Variants in HECTD4 observed in about 807,000 individuals in gnomAD.
HECTD4 encodes probable E3 ubiquitin-protein ligase HECTD4.
Under a neutral mutation model 471.5 loss-of-function variants are expected in HECTD4, and 114 were observed. The observed-to-expected ratio is 0.24, with a 90% CI of 0.21 to 0.28. HECTD4 has a LOEUF of 0.28. Among genes scored for constraint, HECTD4 ranks in the 10% least tolerant of loss-of-function variants. HECTD4 has a pLI of 1.00. For synonymous variants in HECTD4, 2,012 were observed against 2,256.0 expected (o/e 0.89, Z 3.07); for missense variants, 3,866 against 5,651.5 (o/e 0.68, Z 10.13).
chr12:112,334,063 A>G (rs867970623), intron 1 of HECTD4, among the ~76,000 whole-genome samples: 69 of 152,028 alleles, frequency 4.5e-4, no homozygotes, highest in Middle Eastern at 3.4e-3. Context: ...CACAAAAATT[A>G]GCTGGGTGTG....
rs968576575 is a variant in HECTD4 at position 112,208,129 on chromosome 12, T to C, written c.8005-129A>G. The C allele has an allele frequency of 1.8e-5, 20 of 1,081,732 alleles. 1 individual carries two copies. In the South Asian group the frequency reaches 3.0e-4, roughly 16 times the overall value. The allele number at this position is 1,081,732 out of a possible 1,614,324, so 67.0% of individuals were successfully genotyped here. ...ATGCCAGTAATAGAAAGATCAGACA[T>C]AGACCCCTGTACTAGATACACCCCC... On this transcript the variant is annotated intron_variant, in intron 51 of 75. Transcript: ENST00000682272.
rs1301612688 is a variant in HECTD4 at position 112,228,383 on chromosome 12, C to A, written c.6685-125G>T. On this transcript the variant is annotated intron_variant, in intron 42 of 75. Coordinates refer to ENST00000682272, the MANE Select transcript of HECTD4 (RefSeq NM_001388303.1). This position sits in a 1 kb window ranked among gnomAD's most constrained non-coding sequence, Gnocchi z 4.9. ...CAGTTAAAAAAATAAAATCACCATACAGAAAACTACAAACCACATCAAAAC... is the reference window on the plus strand; with the variant it reads ...CAGTTAAAAAAATAAAATCACCATAAAGAAAACTACAAACCACATCAAAAC... 1 of 1,055,392 alleles carries A rather than the reference C, an allele frequency of 9.5e-7. No individual in the cohort carries two copies. 65.4% of individuals were successfully genotyped at this position (1,055,392 alleles called of 1,614,324 possible).
chr12:112,261,271 G>T, intron 18 of HECTD4, 34 bp downstream of exon 18: 1 of 1,517,250 alleles, frequency 6.6e-7, no homozygotes, highest in Non-Finnish European at 8.9e-7. Flanking sequence ...CTTCCCACAG[G>T]GCAGCTGGTC....
intron 23 of HECTD4, 45 bp downstream of exon 23, chr12:112,252,379 A>G (rs186767556): frequency 1.2e-5 from 19 of 1,538,610 alleles, no homozygotes. Context: ...CAAGGCACAT[A>G]GCAGATAGTA....
chr12:112,252,206 T>C (rs928267707), intron 23 of HECTD4, among the ~76,000 whole-genome samples: 1 of 152,222 alleles, frequency 6.6e-6, no homozygotes, highest in Non-Finnish European at 1.5e-5. Context: ...CTCCAATCAA[T>C]AGATTTATTT....
chr12:112,353,483 T>C (rs2036281791), intron 1 of HECTD4, among the ~76,000 whole-genome samples: 2 of 152,220 alleles, frequency 1.3e-5, no homozygotes, highest in African/African-American at 4.8e-5. Context: ...TTTTGTAAAA[T>C]GTGGCTCTTT....
chr12:112,193,340 C>T lies in HECTD4; in HGVS notation c.8955+129G>A. ...CTACAGATGAGATAAAGCAGAAAAG[C>T]TTCTAGGAAAAGGAAATCGAGAGGA... On this transcript the variant is annotated intron_variant, in intron 57 of 75. Transcript: ENST00000682272. The surrounding 1 kb of genome is among the most constrained non-coding windows in gnomAD (Gnocchi z 5.2). The T allele has an allele frequency of 7.4e-7, 1 of 1,357,028 alleles. No homozygotes were observed. 84.1% of individuals were successfully genotyped at this position (1,357,028 alleles called of 1,614,324 possible).
Position 112,258,505 on chromosome 12 carries a change from G to A in HECTD4, c.3119C>T (p.Pro1040Leu), listed in dbSNP as rs751564544. Residue 1040 changes from proline to leucine, a missense_variant, in exon 20 of 76, where the codon CCT (proline) becomes CTT (leucine). Coordinates refer to ENST00000682272, the MANE Select transcript of HECTD4 (RefSeq NM_001388303.1). ...GAPDQKCRLFPDERMLEEKEE... is the reference protein window; with the variant it reads ...GAPDQKCRLFLDERMLEEKEE... ...AAGCAGCATTCATTACCTCTCATCA[G>A]GGAACAGCCTGCACTTCTGGTCTGG... 3 of 1,588,316 alleles carry A rather than the reference G, an allele frequency of 1.9e-6. No homozygotes were observed. Among genetic ancestry groups the A allele is most frequent in the Non-Finnish European group, 2.6e-6 (3 of 1,170,036 alleles).
At chr12:112,229,632 C>A in intron 41 of HECTD4, 66 bp downstream of exon 41, 1 of 1,444,216 alleles carries the variant, frequency 6.9e-7, no homozygotes, top group Admixed American at 2.0e-5. Flanking sequence ...TACAGATGAT[C>A]AATTAATTAA....
At position 112,226,855 on chromosome 12, in the gene HECTD4, G is replaced by C. The variant is rs1336872526; in HGVS notation, c.6855-97C>G. Reference sequence around the variant, plus strand: ...ACATTTCAATCAATTTTGCCCCCCAGTTTACAACAAGGTTCAAACACCCCA... The same window carrying C: ...ACATTTCAATCAATTTTGCCCCCCACTTTACAACAAGGTTCAAACACCCCA... On this transcript the variant is annotated intron_variant, in intron 43 of 75. Coordinates refer to ENST00000682272, the MANE Select transcript of HECTD4 (RefSeq NM_001388303.1). The C allele has an allele frequency of 1.6e-5, 13 of 824,954 alleles. No individual in the cohort carries two copies. In the East Asian group the frequency reaches 3.6e-4, roughly 23 times the overall value. The allele number at this position is 824,954 out of a possible 1,614,324, so 51.1% of individuals were successfully genotyped here. A position where few individuals can be genotyped will look rare whatever the true frequency, so the allele number is the denominator to read the frequency against.
chr12:112,207,745 A>G (rs929522851), intron 52 of HECTD4, 129 bp downstream of exon 52: 1 of 991,650 alleles, frequency 1.0e-6, no homozygotes, highest in African/African-American at 1.6e-5. Context: ...CACTAAAGGT[A>G]AGGTCAAAGA....
chr12:112,381,825 C>A lies in HECTD4; in HGVS notation c.177+127G>T. On this transcript the variant is annotated intron_variant, in intron 1 of 75. Coordinates refer to ENST00000682272, the MANE Select transcript of HECTD4 (RefSeq NM_001388303.1). The surrounding 1 kb of genome is among the most constrained non-coding windows in gnomAD (Gnocchi z 4.1). ...GCGGCCCCACCTGCCCGCCCCGCGC[C>A]CACACACACCTGCCCCGGCAGCCGC... 1 of 564,974 alleles carries A rather than the reference C, an allele frequency of 1.8e-6. No homozygotes were observed. Among genetic ancestry groups the A allele is most frequent in the Non-Finnish European group, 2.6e-6 (1 of 389,964 alleles). The allele number at this position is 564,974 out of a possible 1,614,324, so 35.0% of individuals were successfully genotyped here. A position where few individuals can be genotyped will look rare whatever the true frequency, so the allele number is the denominator to read the frequency against.
chr12:112,354,424 A>G (rs2036296633), intron 1 of HECTD4, among the ~76,000 whole-genome samples: 2 of 152,106 alleles, frequency 1.3e-5, no homozygotes, highest in Admixed American at 1.3e-4. Context: ...AGAAAGAGGG[A>G]AAAACCTGGG....
chr12:112,179,384 C>A lies in HECTD4; in HGVS notation c.11001G>T (p.Val3667=), dbSNP rs1269212452. ...CCGTCAGAACCTCTCTGGCTCCGGGCACCAGCTTCTCCCCTGTTGGATGGA... is the reference window on the plus strand; with the variant it reads ...CCGTCAGAACCTCTCTGGCTCCGGGAACCAGCTTCTCCCCTGTTGGATGGA... ...NDKSIKGEKL[V]PGAREVLTEI... Residue 3667 remains valine (V), a synonymous_variant, in exon 63 of 76, where the codon GTG becomes GTT. Coordinates refer to ENST00000682272, the MANE Select transcript of HECTD4 (RefSeq NM_001388303.1). The surrounding 1 kb of genome is among the most constrained non-coding windows in gnomAD (Gnocchi z 4.3). The A allele has an allele frequency of 1.2e-6, 2 of 1,611,056 alleles. No individual in the cohort carries two copies. Among genetic ancestry groups the A allele is most frequent in the African/African-American group, 2.7e-5 (2 of 74,904 alleles).
In HECTD4 at chr12:112,344,522, C is replaced by G. The variant is rs1594061552; in HGVS notation, c.178-24780G>C. ...CACAAAAAGGTCAACAGGGCAGAGG[C>G]ACATAAGTATGAATACAGAAGAGGA... On this transcript the variant is annotated intron_variant, in intron 1 of 75. Transcript: ENST00000682272. Among the ~76,000 whole-genome samples the G allele has an allele frequency of 2.0e-5, 3 of 152,278 alleles. No individual in the cohort carries two copies. In the East Asian group the frequency reaches 5.8e-4, roughly 29 times the overall value.
intron 59 of HECTD4, 129 bp from the exon 60 acceptor site, chr12:112,191,094 A>G: frequency 1.4e-6 from 1 of 693,392 alleles, no homozygotes; most frequent in Non-Finnish European, 2.4e-6. Flanking sequence ...CTGCTCCAGC[A>G]GGAGGACACA....
chr12:112,290,440 G>A (rs1328916370), intron 7 of HECTD4, among the ~76,000 whole-genome samples: 2 of 150,986 alleles, frequency 1.3e-5, no homozygotes, highest in African/African-American at 2.4e-5. Flanking sequence ...TGAGAAGATC[G>A]CTTGAGCCTG....
At chr12:112,314,595 T>A in intron 2 of HECTD4, 49 bp from the exon 3 acceptor site, 1 of 1,059,918 alleles carries the variant, frequency 9.4e-7, no homozygotes, top group South Asian at 1.4e-5. Flanking sequence ...TAAAATCAAA[T>A]AATTTAGGTC....
intron 1 of HECTD4, among the ~76,000 whole-genome samples, chr12:112,344,463 A>G (rs2036109753): frequency 6.6e-6 from 1 of 152,222 alleles, no homozygotes; most frequent in Admixed American, 6.5e-5. Flanking sequence ...TTCTGTTCAA[A>G]ATACAAACTC....
Sources: allele counts gnomAD v4.1 joint callset (sites outside exome capture counted in the v4.1 genomes callset), GRCh38; gene constraint gnomAD v4.1.1; non-coding constraint Gnocchi (gnomAD v3.1); transcripts MANE v1.5; gene names NCBI Gene and HGNC (gene_info 2026-07-23, HGNC 2026-07-21).